Variants in NDUFS1 observed in about 807,000 individuals in gnomAD.
The protein encoded by NDUFS1 is NADH:ubiquinone oxidoreductase core subunit S1, also known as NADH-ubiquinone oxidoreductase 75 kDa subunit, mitochondrial.
Under a neutral mutation model 84.4 loss-of-function variants are expected in NDUFS1, and 61 were observed. The ratio of observed to expected loss-of-function variants is 0.72; its 90% CI spans 0.59 to 0.89. The LOEUF (loss-of-function observed/expected upper bound fraction) is 0.89, where lower values mean the gene tolerates loss of function less well. Ranked by LOEUF, NDUFS1 falls within the 40% of genes least tolerant of loss-of-function variation. The probability of loss-of-function intolerance (pLI) is 0.00; values close to 1 mark genes in which losing one functional copy is unlikely to be tolerated. For synonymous variants in NDUFS1, 275 were observed against 290.0 expected (o/e 0.95, Z 0.53); for missense variants, 891 against 890.0 (o/e 1.00, Z -0.01).
intron 14 of NDUFS1, 60 bp from the exon 15 acceptor site, chr2:206,130,302 T>C: frequency 2.5e-6 from 4 of 1,581,382 alleles, no homozygotes; most frequent in Non-Finnish European, 3.5e-6. Context: ...AAAAATTAAA[T>C]GTGATTTTTG....
intron 12 of NDUFS1, among the ~76,000 whole-genome samples, chr2:206,139,273 C>T (rs2105962347): frequency 6.6e-6 from 1 of 152,180 alleles, no homozygotes; most frequent in African/African-American, 2.4e-5. Context: ...GCAAGCTCCA[C>T]CTCCCGGGTT....
Position 206,136,480 on chromosome 2 carries a change from C to A in NDUFS1, c.1392+2005G>T, listed in dbSNP as rs1202822242. Among the ~76,000 whole-genome samples the A allele has an allele frequency of 9.6e-5, 14 of 145,870 alleles. No homozygotes were observed. The Admixed American group carries it at 9.9e-4, about 10-fold the overall frequency. ...ATGGAGTCTCGCTCTGTCGCCCAGG[C>A]TGGAGTGCAGTGGCATGATCTGAGC... is the stretch of plus-strand genomic sequence containing the variant. On this transcript the variant is annotated intron_variant, in intron 13 of 18. Coordinates refer to ENST00000233190, the MANE Select transcript of NDUFS1 (RefSeq NM_005006.7).
At chr2:206,140,177 T>A (rs778807558) in intron 12 of NDUFS1, among the ~76,000 whole-genome samples, 9 of 152,236 alleles carry the variant, frequency 5.9e-5, no homozygotes, top group Middle Eastern at 3.4e-3. Flanking sequence ...AGATCCTGTC[T>A]CTACAAAAGG....
Position 206,124,032 on chromosome 2 carries a change from A to G in NDUFS1, c.*153T>C. 1.6e-6 allele frequency: 1 copy of G among 628,974 alleles called. No individual in the cohort carries two copies. The highest frequency in any genetic ancestry group is 2.0e-5 in the South Asian group (1 of 49,204). The allele number at this position is 628,974 out of a possible 1,614,324, so 39.0% of individuals were successfully genotyped here. On this transcript the variant is annotated 3_prime_UTR_variant, in exon 19 of 19. Transcript: ENST00000233190. Reference sequence around the variant, plus strand: ...TTTCAAACTGCAAAGTTGATAACTAATATCATTTTCAAATAGGCATAGTAT... The same window carrying G: ...TTTCAAACTGCAAAGTTGATAACTAGTATCATTTTCAAATAGGCATAGTAT...
chr2:206,151,055 C>T (rs1692354042), intron 3 of NDUFS1, among the ~76,000 whole-genome samples: 1 of 152,184 alleles, frequency 6.6e-6, no homozygotes, highest in Admixed American at 6.5e-5. Flanking sequence ...TTGACACTAT[C>T]TATTTTAGGG....
intron 12 of NDUFS1, among the ~76,000 whole-genome samples, chr2:206,141,578 T>C (rs1691954853): frequency 8.0e-6 from 1 of 125,170 alleles, no homozygotes; most frequent in South Asian, 2.4e-4. Flanking sequence ...TTTTTAAAAA[T>C]CTAAAAAATT....
At chr2:206,138,707 A>C (rs1691820130) in intron 12 of NDUFS1, 93 bp from the exon 13 acceptor site, 1 of 1,308,330 alleles carries the variant, frequency 7.6e-7, no homozygotes, top group East Asian at 2.3e-5. Context: ...TTACTATTAC[A>C]AAATGTTAAA....
chr2:206,129,137 T>C (rs769038499), intron 15 of NDUFS1, among the ~76,000 whole-genome samples: 2 of 152,166 alleles, frequency 1.3e-5, no homozygotes, highest in Non-Finnish European at 2.9e-5. Context: ...CGTAGAATAA[T>C]ATATAGTTTA....
In NDUFS1 at chr2:206,142,849, G is replaced by T; in HGVS notation, c.988-18C>A. On this transcript the variant is annotated intron_variant, in intron 10 of 18. Transcript: ENST00000233190. ...CTCTGCAACTAGAAACAGATGAAAAGGGCATCACCAAGAAACCTACACGCA... is the reference window on the plus strand; with the variant it reads ...CTCTGCAACTAGAAACAGATGAAAATGGCATCACCAAGAAACCTACACGCA... 1 of 1,613,806 alleles carries T rather than the reference G, an allele frequency of 6.2e-7. No homozygotes were observed. The highest frequency in any genetic ancestry group is 8.5e-7 in the Non-Finnish European group (1 of 1,179,914).
chr2:206,136,998 C>A (rs534346816), intron 13 of NDUFS1, among the ~76,000 whole-genome samples: 1 of 149,000 alleles, frequency 6.7e-6, no homozygotes, highest in Admixed American at 6.7e-5. Context: ...GGTGATCCAC[C>A]CACCTCAGCC....
intron 18 of NDUFS1, among the ~76,000 whole-genome samples, chr2:206,126,118 TCA>T (rs1328468805): frequency 1.3e-5 from 2 of 152,202 alleles, no homozygotes; most frequent in Non-Finnish European, 2.9e-5. Flanking sequence ...TAAACAAGTT[TCA>T]GTTTGTCTGC....
At position 206,147,667 on chromosome 2, in the gene NDUFS1, G is replaced by C. The variant is rs863224095; in HGVS notation, c.421-6C>G. ...CCAAACATCATGGACTGGTCCTTAA[G>C]TAGATTATGAAAGAGTCAATCTCAT... On this transcript the variant is annotated splice_polypyrimidine_tract_variant and splice_region_variant and intron_variant, in intron 6 of 18. Coordinates refer to ENST00000233190, the MANE Select transcript of NDUFS1 (RefSeq NM_005006.7). 3.1e-6 allele frequency: 5 copies of C among 1,614,054 alleles called. No homozygotes were observed. The highest frequency in any genetic ancestry group is 4.2e-6 in the Non-Finnish European group (5 of 1,180,014).
intron 16 of NDUFS1, among the ~76,000 whole-genome samples, 182 bp from the exon 17 acceptor site, chr2:206,127,026 AATTC>A (rs1466931756): frequency 1.3e-5 from 2 of 152,248 alleles, no homozygotes; most frequent in Non-Finnish European, 2.9e-5. Flanking sequence ...CAAAAATTCT[AATTC>A]ATTCACAGCT....
At chr2:206,140,412 G>T (rs1447617059) in intron 12 of NDUFS1, among the ~76,000 whole-genome samples, 2 of 152,134 alleles carry the variant, frequency 1.3e-5, no homozygotes, top group Non-Finnish European at 2.9e-5. Context: ...GCTGAGGCAG[G>T]AGAATTGCTT....
chr2:206,126,800 C>T lies in NDUFS1; in HGVS notation c.1929G>A (p.Arg643=), dbSNP rs754006684. 1 of 1,614,124 alleles carries T rather than the reference C, an allele frequency of 6.2e-7. No homozygotes were observed. Among genetic ancestry groups the T allele is most frequent in the Non-Finnish European group, 8.5e-7 (1 of 1,180,014 alleles). The change falls in exon 17 of 19, where the codon AGG becomes AGA. Residue 643 remains arginine, a synonymous_variant. Transcript: ENST00000233190. ...TLPYDTLDQV[R]NRLEEVSPNL... ...TAGGAGAGACTTCTTCCAATCTGTT[C>T]CTTACTTGATCCAGAGTATCATATG...
At position 206,144,947 on chromosome 2, in the gene NDUFS1, T is replaced by C. The variant is rs1344208964; in HGVS notation, c.817A>G (p.Ile273Val). ...ATGTCCTCATGCATACGTGGCAAAA[T>C]CCTCATCACTTCTCCAGTTCTTGTG... ...VSTRTGEVMRILPRMHEDINE... is the reference protein window; with the variant it reads ...VSTRTGEVMRVLPRMHEDINE... Residue 273 changes from isoleucine (I) to valine (V), a missense_variant, in exon 9 of 19, where the codon ATT (isoleucine) becomes GTT (valine). Coordinates refer to ENST00000233190, the MANE Select transcript of NDUFS1 (RefSeq NM_005006.7). 1 of 1,614,092 alleles carries C rather than the reference T, an allele frequency of 6.2e-7. No homozygotes were observed. The highest frequency in any genetic ancestry group is 2.2e-5 in the East Asian group (1 of 44,874).
Position 206,119,414 on chromosome 2 carries a change from T to C in NDUFS1, c.*4771A>G, listed in dbSNP as rs1386779903. 3 of 152,128 alleles carry C rather than the reference T, an allele frequency of 2.0e-5. No individual in the cohort carries two copies. The highest frequency in any genetic ancestry group is 4.4e-5 in the Non-Finnish European group (3 of 68,012). The allele number at this position is 152,128 out of a possible 1,614,324, so 9.4% of individuals were successfully genotyped here. On this transcript the variant is annotated 3_prime_UTR_variant, in exon 19 of 19. Coordinates refer to ENST00000233190, the MANE Select transcript of NDUFS1 (RefSeq NM_005006.7). ...GGGTATTGTCAAATATATTTTTTAA[T>C]TTTTACTTTTTTTCAGACAGAGTCT...
At chr2:206,147,855 A>G (rs1329666123) in intron 5 of NDUFS1, 21 bp from the exon 6 acceptor site, 11 of 1,590,222 alleles carry the variant, frequency 6.9e-6, no homozygotes, top group African/African-American at 1.4e-5. Context: ...ATTGTAACAT[A>G]TAAAATGACT....
At chr2:206,156,669 T>C (rs368878251) in intron 1 of NDUFS1, among the ~76,000 whole-genome samples, 20 of 152,338 alleles carry the variant, frequency 1.3e-4, no homozygotes, top group East Asian at 9.6e-4. Context: ...TATTGAATAA[T>C]AGTACATATA....
Sources: gnomAD v4.1 joint callset for allele counts (sites outside exome capture counted in the v4.1 genomes callset) on GRCh38, gnomAD v4.1.1 for gene constraint, MANE v1.5 for transcripts, NCBI Gene and HGNC (gene_info 2026-07-23, HGNC 2026-07-21) for gene names.